Variants in OR7E24 observed in about 807,000 individuals in gnomAD.
OR7E24 encodes olfactory receptor family 7 subfamily E member 24.
For synonymous variants in OR7E24, 130 were observed against 157.5 expected (o/e 0.83, Z 1.31); for missense variants, 385 against 410.3 (o/e 0.94, Z 0.53).
the OR7E24 span, among the ~76,000 whole-genome samples, chr19:9,221,794 G>A: frequency 6.6e-6 from 1 of 152,222 alleles, no homozygotes; most frequent in African/African-American, 2.4e-5. Flanking sequence ...TCACTCTACT[G>A]TTTCCTTTGC....
the OR7E24 span, among the ~76,000 whole-genome samples, chr19:9,230,046 AT>A: frequency 0.14 from 19,621 of 142,790 alleles, 1,684 homozygotes; most frequent in African/African-American, 0.26. Context: ...AAGTTCCTGT[AT>A]TTTTTTTTTT....
upstream of OR7E24, among the ~76,000 whole-genome samples, chr19:9,248,822 T>G (rs2066137508): frequency 6.6e-6 from 1 of 152,222 alleles, no homozygotes; most frequent in Non-Finnish European, 1.5e-5. Flanking sequence ...GCTTAAGACC[T>G]CTGGCCATTG....
chr19:9,239,918 A>G, the OR7E24 span, among the ~76,000 whole-genome samples: 2 of 151,852 alleles, frequency 1.3e-5, no homozygotes, highest in Non-Finnish European at 2.9e-5. Context: ...CATATTGGTC[A>G]GGCTGGTCTC....
At chr19:9,232,611 T>C in the OR7E24 span, among the ~76,000 whole-genome samples, 1 of 151,344 alleles carries the variant, frequency 6.6e-6, no homozygotes, top group Admixed American at 6.6e-5. Context: ...CAGTCCTTTG[T>C]GCCCTGTGTA....
At chr19:9,226,372 G>T in the OR7E24 span, among the ~76,000 whole-genome samples, 4 of 152,170 alleles carry the variant, frequency 2.6e-5, no homozygotes, top group Admixed American at 6.5e-5. Context: ...TGCTGGGTCC[G>T]GTTTCCACTG....
chr19:9,239,259 TC>T, the OR7E24 span, among the ~76,000 whole-genome samples: 1 of 151,914 alleles, frequency 6.6e-6, no homozygotes, highest in Non-Finnish European at 1.5e-5. Flanking sequence ...AAGCTCCCCC[TC>T]CTTGGTTCAC....
chr19:9,248,869 G>T (rs1041892609), upstream of OR7E24, among the ~76,000 whole-genome samples: 3 of 152,200 alleles, frequency 2.0e-5, no homozygotes, highest in Non-Finnish European at 4.4e-5. Context: ...CAATGAAGAA[G>T]TTTAGTGCCA....
the OR7E24 span, chr19:9,235,320 G>A: frequency 7.8e-7 from 1 of 1,278,032 alleles, no homozygotes; most frequent in Non-Finnish European, 1.1e-6. Context: ...ACAGCCCCAT[G>A]TAATTCTTCC....
chr19:9,243,193 T>C (rs2066120719), upstream of OR7E24, among the ~76,000 whole-genome samples: 1 of 152,058 alleles, frequency 6.6e-6, no homozygotes, highest in East Asian at 1.9e-4. Flanking sequence ...GTAGATGGTG[T>C]CAGGGTTCAT....
the OR7E24 span, among the ~76,000 whole-genome samples, chr19:9,230,046 A>T: frequency 4.8e-4 from 69 of 143,074 alleles, no homozygotes; most frequent in African/African-American, 1.5e-3. Context: ...AAGTTCCTGT[A>T]TTTTTTTTTT....
the OR7E24 span, among the ~76,000 whole-genome samples, chr19:9,223,778 C>G: frequency 2.0e-5 from 3 of 150,686 alleles, no homozygotes; most frequent in African/African-American, 7.4e-5. Flanking sequence ...CTCCTGCTCC[C>G]CAATGGACCC....
the OR7E24 span, among the ~76,000 whole-genome samples, chr19:9,236,484 T>G: frequency 1.3e-5 from 2 of 152,000 alleles, no homozygotes; most frequent in Admixed American, 1.3e-4. Context: ...CACTCCAGTC[T>G]GGGTGACAGA....
the OR7E24 span, among the ~76,000 whole-genome samples, chr19:9,220,929 T>C: frequency 0.013 from 1,969 of 152,278 alleles, 23 homozygotes; most frequent in African/African-American, 0.032. Flanking sequence ...TGATATCTCA[T>C]TGTGGTTTTC....
At chr19:9,211,388 G>A in the OR7E24 span, 1 of 152,250 alleles carries the variant, frequency 6.6e-6, no homozygotes, top group African/African-American at 2.4e-5. Flanking sequence ...AAGATCAGCA[G>A]TTTCTAACAT....
chr19:9,244,340 A>G (rs1417462942), upstream of OR7E24, among the ~76,000 whole-genome samples: 1 of 152,260 alleles, frequency 6.6e-6, no homozygotes, highest in African/African-American at 2.4e-5. Context: ...ACTATAATAC[A>G]TAAAGACACA....
chr19:9,226,755 T>C, the OR7E24 span, among the ~76,000 whole-genome samples: 2 of 152,208 alleles, frequency 1.3e-5, no homozygotes, highest in African/African-American at 4.8e-5. Flanking sequence ...AAGAGGAACC[T>C]CTACTTACTT....
upstream of OR7E24, among the ~76,000 whole-genome samples, chr19:9,247,825 A>C (rs751395188): frequency 1.3e-5 from 2 of 151,990 alleles, no homozygotes; most frequent in Non-Finnish European, 2.9e-5. Context: ...GTGGTATCTC[A>C]TTGTGTTTTT....
chr19:9,237,486 A>AT, the OR7E24 span, among the ~76,000 whole-genome samples: 1,276 of 145,092 alleles, frequency 8.8e-3, 15 homozygotes, highest in East Asian at 0.042. Flanking sequence ...AATTTTTTGT[A>AT]TTTTTTTTTT....
At chr19:9,226,284 A>G in the OR7E24 span, among the ~76,000 whole-genome samples, 2 of 152,200 alleles carry the variant, frequency 1.3e-5, no homozygotes, top group South Asian at 2.1e-4. Flanking sequence ...GAAAGGGTAC[A>G]CTCGCCAGCA....
Sources: gnomAD v4.1 joint callset for allele counts (sites outside exome capture counted in the v4.1 genomes callset) on GRCh38, gnomAD v4.1.1 for gene constraint, MANE v1.5 for transcripts, NCBI Gene and HGNC (gene_info 2026-07-23, HGNC 2026-07-21) for gene names.